CA6: variants seen among roughly 807,000 people sequenced by gnomAD.
The protein encoded by CA6 is carbonate dehydratase VI.
Under a neutral mutation model 35.9 loss-of-function variants are expected in CA6, and 28 were observed. The observed-to-expected ratio is 0.78, with a 90% CI of 0.58 to 1.07. The LOEUF is 1.07. Ranked by LOEUF, CA6 falls within the 50% of genes least tolerant of loss-of-function variation. The pLI, the probability that CA6 is intolerant of heterozygous loss-of-function variation, is 0.00. For missense variants in CA6, 377 were observed against 382.0 expected (o/e 0.99, Z 0.11); for synonymous variants, 148 against 152.6 (o/e 0.97, Z 0.22).
In CA6 at chr1:8,949,304, G is replaced by T. The variant is rs201856914; in HGVS notation, c.121G>T (p.Ala41Ser). The T allele has an allele frequency of 6.2e-7, 1 of 1,612,710 alleles. No individual in the cohort carries two copies. The highest frequency in any genetic ancestry group is 1.7e-5 in the Admixed American group (1 of 59,852). The change falls in exon 2 of 8, where the codon GCC becomes TCC. Residue 41 changes from alanine (A) to serine (S), a missense_variant. Ala to Ser is a moderately conservative substitution (Grantham distance 99). Transcript: ENST00000377443. ...AGCGCACTGGCCACAGCACTACCCC[G>T]CCTGTGGGGGCCAGAGACAGTCGCC... ...DEAHWPQHYP[A>S]CGGQRQSPIN... is the part of the protein sequence containing the mutation.
At chr1:8,958,889 C>T (rs766289080) in intron 3 of CA6, 21 bp from the exon 4 acceptor site, 2 of 1,348,774 alleles carry the variant, frequency 1.5e-6, no homozygotes, top group South Asian at 2.4e-5. Context: ...GCCCTTGACC[C>T]ACTCTACCTT....
At chr1:8,973,711 T>C (rs530989976) in intron 7 of CA6, among the ~76,000 whole-genome samples, 21 of 5,662 alleles carry the variant, frequency 3.7e-3, no homozygotes, top group East Asian at 0.022. Flanking sequence ...TCTTTCTCTC[T>C]CTTTCTTTCT....
intron 5 of CA6, among the ~76,000 whole-genome samples, chr1:8,966,982 AT>A (rs946775889): frequency 4.2e-5 from 4 of 95,496 alleles, no homozygotes; most frequent in African/African-American, 1.3e-4. Context: ...ATTTAAAAAA[AT>A]AATAAAAAAA....
chr1:8,947,875 A>T (rs1639408541), intron 1 of CA6, among the ~76,000 whole-genome samples: 1 of 136,234 alleles, frequency 7.3e-6, no homozygotes, highest in African/African-American at 3.1e-5. Flanking sequence ...TGAGAGTTTC[A>T]CTCTCGTTGC....
At chr1:8,970,780 C>T (rs1283019135) in intron 6 of CA6, 87 bp from the exon 7 acceptor site, 9 of 851,228 alleles carry the variant, frequency 1.1e-5, no homozygotes, top group South Asian at 2.7e-5. Flanking sequence ...GGATTACAGG[C>T]GTGAGCCACT....
At chr1:8,964,594 A>G (rs1022826274) in intron 5 of CA6, among the ~76,000 whole-genome samples, 4 of 152,120 alleles carry the variant, frequency 2.6e-5, no homozygotes, top group Non-Finnish European at 5.9e-5. Context: ...CTCAGCACAC[A>G]CATCTGCCCT....
chr1:8,961,082 C>T (rs182747845), intron 4 of CA6, among the ~76,000 whole-genome samples: 3 of 152,208 alleles, frequency 2.0e-5, no homozygotes, highest in Admixed American at 2.0e-4. Flanking sequence ...GACTGTCAAT[C>T]AAGAATTCTA....
chr1:8,962,255 CACAA>C (rs113192364), intron 4 of CA6, among the ~76,000 whole-genome samples: 9,420 of 149,750 alleles, frequency 0.063, 875 homozygotes, highest in African/African-American at 0.2. Flanking sequence ...AAAAAAAACT[CACAA>C]ACAAACAAAC....
intron 1 of CA6, among the ~76,000 whole-genome samples, chr1:8,946,805 G>GTTTTTTTTTTTTTTTTT (rs60046591): frequency 2.0e-5 from 2 of 102,042 alleles, no homozygotes; most frequent in Admixed American, 1.0e-4. Context: ...TTTTTTTTTT[G>GTTTTTTTTTTTTTTTTT]TTTTTTTTTT....
At chr1:8,948,079 C>CT (rs2124221506) in intron 1 of CA6, among the ~76,000 whole-genome samples, 1 of 152,140 alleles carries the variant, frequency 6.6e-6, no homozygotes, top group African/African-American at 2.4e-5. Context: ...AGCTCCCAAC[C>CT]TTAGGTGATC....
At chr1:8,972,756 A>AT (rs1640143205) in intron 7 of CA6, among the ~76,000 whole-genome samples, 2 of 152,052 alleles carry the variant, frequency 1.3e-5, no homozygotes, top group Admixed American at 6.6e-5. Flanking sequence ...CCTATTTGTG[A>AT]TTTTCTCCCC....
At chr1:8,960,787 C>CATAT (rs1491277382) in intron 4 of CA6, among the ~76,000 whole-genome samples, 18 of 95,086 alleles carry the variant, frequency 1.9e-4, no homozygotes, top group African/African-American at 7.4e-4. Flanking sequence ...CACACACACA[C>CATAT]ACATATATAT....
chr1:8,957,584 A>G (rs920934632), intron 3 of CA6, among the ~76,000 whole-genome samples: 2 of 151,718 alleles, frequency 1.3e-5, no homozygotes, highest in East Asian at 2.0e-4. Flanking sequence ...CAGGTGATCC[A>G]CCCGCCTTGG....
rs2124192999 is a variant in CA6, at chr1:8,970,923, T to C, written c.786T>C (p.Asp262=). 2 of 1,614,084 alleles carry C rather than the reference T, an allele frequency of 1.2e-6. No homozygotes were observed. The highest frequency in any genetic ancestry group is 1.3e-5 in the African/African-American group (1 of 75,016). Residue 262 remains aspartate, a synonymous_variant, in exon 7 of 8, where the codon GAT becomes GAC. Transcript: ENST00000377443. Reference sequence around the variant, plus strand: ...ACCGCAACAAGACCATCCACAACGATTACCGCAGGACCCAGCCCCTGAACC... The same window carrying C: ...ACCGCAACAAGACCATCCACAACGACTACCGCAGGACCCAGCCCCTGAACC... The part of the protein sequence containing the change: ...LDHRNKTIHN[D]YRRTQPLNHR...
At chr1:8,954,058 GAAT>G (rs1639610410) in intron 2 of CA6, among the ~76,000 whole-genome samples, 1 of 152,110 alleles carries the variant, frequency 6.6e-6, no homozygotes, top group Non-Finnish European at 1.5e-5. Context: ...GGGGAGGCAT[GAAT>G]AATACACCCC....
intron 2 of CA6, chr1:8,951,432 C>T (rs201002216): frequency 2.4e-5 from 18 of 743,056 alleles, no homozygotes; most frequent in Non-Finnish European, 3.4e-5. Context: ...GATTGGCAGG[C>T]GGAACTCTTC....
rs1290513153 is a variant in CA6, at chr1:8,974,745, C to G, written c.*41C>G. On this transcript the variant is annotated 3_prime_UTR_variant, in exon 8 of 8. Transcript: ENST00000377443. ...AGATTCAATATTAACTAGCTTGAAG[C>G]CTGACCTAGCCAGAAGTGCCTGTCC... 1 of 1,268,510 alleles carries G rather than the reference C, an allele frequency of 7.9e-7. No homozygotes were observed. Among genetic ancestry groups the G allele is most frequent in the Non-Finnish European group, 1.1e-6 (1 of 933,448 alleles). 78.6% of individuals were successfully genotyped at this position (1,268,510 alleles called of 1,614,324 possible).
chr1:8,956,402 G>A (rs1639685086), intron 2 of CA6, among the ~76,000 whole-genome samples: 1 of 151,520 alleles, frequency 6.6e-6, no homozygotes, highest in Non-Finnish European at 1.5e-5. Flanking sequence ...GCTCATGCCT[G>A]TAATCCCAAC....
chr1:8,974,734 C>G lies in CA6; in HGVS notation c.*30C>G. The G allele has an allele frequency of 6.9e-7, 1 of 1,441,530 alleles. No individual in the cohort carries two copies. The highest frequency in any genetic ancestry group is 9.5e-7 in the Non-Finnish European group (1 of 1,049,706). 89.3% of individuals were successfully genotyped at this position (1,441,530 alleles called of 1,614,324 possible). The stretch of plus-strand genomic sequence containing the variant: ...AGCTAAGAGGAAGATTCAATATTAA[C>G]TAGCTTGAAGCCTGACCTAGCCAGA... On this transcript the variant is annotated 3_prime_UTR_variant, in exon 8 of 8. Transcript: ENST00000377443.
Sources: gnomAD v4.1 joint callset for allele counts (sites outside exome capture counted in the v4.1 genomes callset) on GRCh38, gnomAD v4.1.1 for gene constraint, MANE v1.5 for transcripts, NCBI Gene and HGNC (gene_info 2026-07-23, HGNC 2026-07-21) for gene names.